The following EHD4 variants were observed in gnomAD, a reference collection of about 807,000 sequenced individuals.
EHD4 encodes the protein EH domain containing 4.
Under a neutral mutation model 51.0 loss-of-function variants are expected in EHD4, and 37 were observed. That is an observed-to-expected ratio of 0.73 (90% CI 0.56 to 0.95). EHD4 has a LOEUF of 0.95. EHD4 is among the 40% of genes least tolerant of loss of function. EHD4 has a pLI of 0.00. For synonymous variants in EHD4, 297 were observed against 317.3 expected (o/e 0.94, Z 0.68); for missense variants, 632 against 733.1 (o/e 0.86, Z 1.59).
At chr15:41,935,522 A>G (rs1363822066) in intron 3 of EHD4, among the ~76,000 whole-genome samples, 1 of 152,220 alleles carries the variant, frequency 6.6e-6, no homozygotes, top group Non-Finnish European at 1.5e-5. Context: ...ATCATCAAAA[A>G]TTGCTAAAGG....
At chr15:41,962,716 G>C (rs376493294) in intron 1 of EHD4, among the ~76,000 whole-genome samples, 1 of 151,876 alleles carries the variant, frequency 6.6e-6, no homozygotes, top group South Asian at 2.1e-4. Flanking sequence ...TCTGGGAGGT[G>C]GGGGGCGCCT....
At chr15:41,938,234 G>A (rs1477738247) in intron 3 of EHD4, among the ~76,000 whole-genome samples, 1 of 152,152 alleles carries the variant, frequency 6.6e-6, no homozygotes, top group East Asian at 1.9e-4. Flanking sequence ...TAGCTGTGTT[G>A]GCAGGCCCTT....
At chr15:41,946,355 G>C (rs936713901) in intron 2 of EHD4, among the ~76,000 whole-genome samples, 1 of 152,172 alleles carries the variant, frequency 6.6e-6, no homozygotes, top group Non-Finnish European at 1.5e-5. Flanking sequence ...GAAGGGCCAG[G>C]GGTAGCAGAG....
chr15:41,947,063 C>T (rs1452305776), intron 2 of EHD4, among the ~76,000 whole-genome samples: 1 of 152,132 alleles, frequency 6.6e-6, no homozygotes, highest in African/African-American at 2.4e-5. Context: ...AGACTGGGCA[C>T]AGAGCAGACA....
chr15:41,918,794 C>T (rs1335791251), intron 4 of EHD4, among the ~76,000 whole-genome samples: 1 of 152,262 alleles, frequency 6.6e-6, no homozygotes, highest in East Asian at 1.9e-4. Flanking sequence ...CTCTCAGCAT[C>T]CTGTTGGTCT....
At chr15:41,972,144 G>C (rs1180109589) in intron 1 of EHD4, 115 bp downstream of exon 1, 2 of 1,109,722 alleles carry the variant, frequency 1.8e-6, no homozygotes, top group East Asian at 7.3e-5. Context: ...AGCTCCGGGA[G>C]GGGTCCCCGA....
intron 3 of EHD4, among the ~76,000 whole-genome samples, chr15:41,932,313 T>A (rs893755622): frequency 6.6e-6 from 1 of 152,296 alleles, no homozygotes; most frequent in African/African-American, 2.4e-5. Flanking sequence ...GCGGGTGAGC[T>A]GGGAGAAGCC....
intron 5 of EHD4, among the ~76,000 whole-genome samples, chr15:41,902,689 G>C (rs1032543276): frequency 1.3e-5 from 2 of 151,754 alleles, no homozygotes; most frequent in African/African-American, 4.8e-5. Context: ...TGGGAAGACT[G>C]CTTGAGCCCA....
At chr15:41,953,363 C>G (rs1055584482) in intron 2 of EHD4, among the ~76,000 whole-genome samples, 2 of 152,148 alleles carry the variant, frequency 1.3e-5, no homozygotes, top group Admixed American at 6.5e-5. Flanking sequence ...GTTCCTTATA[C>G]TGTAAGCATT....
chr15:41,925,209 C>T (rs556049294), intron 3 of EHD4, among the ~76,000 whole-genome samples: 45 of 152,100 alleles, frequency 3.0e-4, no homozygotes, highest in Non-Finnish European at 5.1e-4. Flanking sequence ...GCTGAATGGA[C>T]CAGGAAGTTG....
intron 1 of EHD4, among the ~76,000 whole-genome samples, chr15:41,966,279 C>G (rs2067961055): frequency 1.3e-5 from 2 of 152,136 alleles, no homozygotes; most frequent in African/African-American, 4.8e-5. Flanking sequence ...GGTCACCTGG[C>G]TCCCAAAGGC....
intron 5 of EHD4, among the ~76,000 whole-genome samples, chr15:41,909,461 C>T (rs1324241428): frequency 1.3e-5 from 2 of 152,232 alleles, no homozygotes; most frequent in Non-Finnish European, 2.9e-5. Context: ...GGGCTGCTCA[C>T]CTGACTTTCT....
chr15:41,945,171 C>T (rs114880417), intron 2 of EHD4, among the ~76,000 whole-genome samples: 285 of 152,320 alleles, frequency 1.9e-3, no homozygotes, highest in African/African-American at 6.5e-3. Context: ...ATCACACCTA[C>T]GTGAAACAAT....
chr15:41,919,432 C>T lies in EHD4; in HGVS notation c.702G>A (p.Arg234=). The T allele has an allele frequency of 1.3e-6, 2 of 1,586,030 alleles. No homozygotes were observed. Among genetic ancestry groups the T allele is most frequent in the Non-Finnish European group, 1.7e-6 (2 of 1,164,770 alleles). The part of the protein sequence containing the change: ...ADQVDTQQLM[R]VYGALMWSLG... ...GGGACCACATGAGGGCCCCGTAGAC[C>T]CGCATCAGCTGCTGCGTGTCCACTT... The change falls in exon 4 of 6, where the codon CGG becomes CGA. Residue 234 remains arginine (R), a synonymous_variant. Transcript: ENST00000220325.
chr15:41,921,587 T>C (rs993835638), intron 3 of EHD4: 1 of 152,228 alleles, frequency 6.6e-6, no homozygotes, highest in African/African-American at 2.4e-5. Flanking sequence ...GAGCCACCCA[T>C]AGATGGACCT....
rs773093670 is a variant in EHD4, at chr15:41,953,235, C to T, written c.413+529G>A. ...AAGCTCTCTGACTGCAGAAGCCCAG[C>T]GCACCATGCCTGAGAGGTGTCTGTC... On this transcript the variant is annotated intron_variant, in intron 2 of 5. Transcript: ENST00000220325. 3.9e-5 allele frequency among the ~76,000 whole-genome samples: 6 copies of T among 152,172 alleles called. No individual in the cohort carries two copies. The South Asian group carries it at 8.3e-4, about 21-fold the overall frequency.
At chr15:41,958,664 A>C (rs2067904059) in intron 1 of EHD4, among the ~76,000 whole-genome samples, 1 of 152,176 alleles carries the variant, frequency 6.6e-6, no homozygotes, top group South Asian at 2.1e-4. Context: ...GAATGAATAA[A>C]AACCAAACAA....
At position 41,953,856 on chromosome 15, in the gene EHD4, C is replaced by G; in HGVS notation, c.321G>C (p.Glu107Asp). The G allele has an allele frequency of 6.2e-7, 1 of 1,614,106 alleles. No homozygotes were observed. The highest frequency in any genetic ancestry group is 8.5e-7 in the Non-Finnish European group (1 of 1,180,008). ...CATTCCCTGGGGTGCTGCCCTCAGT[C>G]TCTCCATACATCACGGCGATGAAGG... ...TDSFIAVMYGETEGSTPGNAL... is the reference protein window; with the variant it reads ...TDSFIAVMYGDTEGSTPGNAL... Residue 107 changes from glutamate to aspartate, a missense_variant, in exon 2 of 6, where the codon GAG becomes GAC. By Grantham distance (45) the Glu-to-Asp change is conservative. Coordinates refer to ENST00000220325, the MANE Select transcript of EHD4 (RefSeq NM_139265.4).
chr15:41,963,835 T>C (rs1192584328), intron 1 of EHD4, among the ~76,000 whole-genome samples: 2 of 151,656 alleles, frequency 1.3e-5, no homozygotes, highest in Non-Finnish European at 2.9e-5. Context: ...GAGAAAAACA[T>C]TTACATTTAT....
Sources: gnomAD v4.1 joint callset for allele counts (sites outside exome capture counted in the v4.1 genomes callset) on GRCh38, gnomAD v4.1.1 for gene constraint, MANE v1.5 for transcripts, NCBI Gene and HGNC (gene_info 2026-07-23, HGNC 2026-07-21) for gene names.